KIF14: variants seen among roughly 807,000 people sequenced by gnomAD.
KIF14 encodes kinesin-like protein KIF14.
Under a neutral mutation model 176.2 loss-of-function variants are expected in KIF14, and 98 were observed. That is an observed-to-expected ratio of 0.56 (90% confidence interval 0.47 to 0.66). KIF14 has a LOEUF of 0.66. Among genes scored for constraint, KIF14 ranks in the 30% least tolerant of loss-of-function variants. The probability of loss-of-function intolerance (pLI) is 0.00; values close to 1 mark genes in which losing one functional copy is unlikely to be tolerated. For synonymous variants in KIF14, 566 were observed against 632.2 expected (o/e 0.90, Z 1.57); for missense variants, 1,751 against 1,920.4 (o/e 0.91, Z 1.65).
rs1238677172 is a variant in KIF14 at position 200,618,179 on chromosome 1, T to A, written c.545A>T (p.Asp182Val). ...NSFVASSVPL[D>V]EDPQVIEMMA... ...CATTTCAATGACCTGTGGATCTTCATCTAAAGGTACAGAAGAGGCAACAAA... is the reference window on the plus strand; with the variant it reads ...CATTTCAATGACCTGTGGATCTTCAACTAAAGGTACAGAAGAGGCAACAAA... Residue 182 changes from aspartate (D) to valine (V), a missense_variant, in exon 2 of 30, where the codon GAT becomes GTT. Physicochemically the swap from Asp to Val is radical, Grantham distance 152. Coordinates refer to ENST00000367350, the MANE Select transcript of KIF14 (RefSeq NM_014875.3). The A allele has an allele frequency of 6.2e-7, 1 of 1,613,990 alleles. No individual in the cohort carries two copies. Among genetic ancestry groups the A allele is most frequent in the Non-Finnish European group, 8.5e-7 (1 of 1,179,934 alleles).
In KIF14 at chr1:200,617,578, T is replaced by C. The variant is rs745972243; in HGVS notation, c.1112+34A>G. The C allele has an allele frequency of 5.1e-6, 8 of 1,560,002 alleles. No individual in the cohort carries two copies. The Admixed American group carries it at 7.8e-5, about 15-fold the overall frequency. ...GAATTAAAGGTACCTTACATGTAAC[T>C]GCTTGGCTTTAGATTTTAAAAGGCA... On this transcript the variant is annotated intron_variant, in intron 2 of 29. Coordinates refer to ENST00000367350, the MANE Select transcript of KIF14 (RefSeq NM_014875.3).
At chr1:200,607,352 T>A (rs1224905539) in intron 5 of KIF14, among the ~76,000 whole-genome samples, 1 of 152,116 alleles carries the variant, frequency 6.6e-6, no homozygotes, top group Non-Finnish European at 1.5e-5. Flanking sequence ...TTGGCTAGGC[T>A]GGTCGGGAAC....
intron 10 of KIF14, 126 bp from the exon 11 acceptor site, chr1:200,602,194 T>C (rs1659660654): frequency 1.5e-6 from 1 of 681,518 alleles, no homozygotes; most frequent in African/African-American, 1.8e-5. Flanking sequence ...CAAATACCAT[T>C]TAAAACTTTT....
chr1:200,603,292 G>C lies in KIF14; in HGVS notation c.1913C>G (p.Ser638Cys). 5 of 1,609,334 alleles carry C rather than the reference G, an allele frequency of 3.1e-6. No homozygotes were observed. The highest frequency in any genetic ancestry group is 3.4e-6 in the Non-Finnish European group (4 of 1,176,824). Residue 638 changes from serine to cysteine, a missense_variant, in exon 10 of 30, where the codon TCT (serine) becomes TGT (cysteine). Coordinates refer to ENST00000367350, the MANE Select transcript of KIF14 (RefSeq NM_014875.3). ...KSLLTLGKVI[S>C]ALSEQANQRS... The stretch of plus-strand genomic sequence containing the variant: ...TTGGTTTGCTTGTTCCGAAAGTGCA[G>C]ATATAACTTTTCCCAAAGTTAGCAA...
intron 14 of KIF14, among the ~76,000 whole-genome samples, chr1:200,596,631 C>T (rs574326958): frequency 4.7e-5 from 6 of 128,116 alleles, no homozygotes; most frequent in African/African-American, 1.8e-4. Flanking sequence ...GCAGAGTCAT[C>T]TTGGCTCACT....
chr1:200,581,763 T>C (rs1658473126), intron 19 of KIF14, among the ~76,000 whole-genome samples: 1 of 64,648 alleles, frequency 1.5e-5, no homozygotes, highest in South Asian at 5.4e-4. Context: ...TCACTTTCCT[T>C]TTTTTTTTTT....
chr1:200,604,674 TA>T (rs1279323696), intron 8 of KIF14, among the ~76,000 whole-genome samples: 2 of 152,074 alleles, frequency 1.3e-5, no homozygotes, highest in Non-Finnish European at 2.9e-5. Context: ...ATATAGCTAT[TA>T]AAAATTATTT....
chr1:200,605,827 T>C (rs768038653), intron 7 of KIF14, 37 bp downstream of exon 7: 1 of 1,277,190 alleles, frequency 7.8e-7, no homozygotes, highest in Non-Finnish European at 1.1e-6. Context: ...GATTATGCTC[T>C]TTCTATCTAG....
intron 21 of KIF14, among the ~76,000 whole-genome samples, chr1:200,576,798 CATGGTGTAAGA>C (rs1658139294): frequency 6.6e-6 from 1 of 152,076 alleles, no homozygotes; most frequent in African/African-American, 2.4e-5. Flanking sequence ...CCTACTTCTT[CATGGTGTAAGA>C]ATTCTCTTTT....
intron 3 of KIF14, 119 bp downstream of exon 3, chr1:200,615,236 G>A: frequency 1.5e-5 from 16 of 1,075,386 alleles, no homozygotes; most frequent in Non-Finnish European, 2.1e-5. Flanking sequence ...TAAAATGGAT[G>A]AGATTTGGGC....
At chr1:200,555,330 G>T in intron 28 of KIF14, 50 bp downstream of exon 28, 1 of 1,166,370 alleles carries the variant, frequency 8.6e-7, no homozygotes, top group African/African-American at 1.6e-5. Flanking sequence ...TGAACCAAGT[G>T]AAATGATAAA....
chr1:200,616,807 C>T (rs1660426126), intron 2 of KIF14, among the ~76,000 whole-genome samples: 1 of 152,134 alleles, frequency 6.6e-6, no homozygotes. Flanking sequence ...TGTGTCTTCC[C>T]CACCCACAAC....
intron 8 of KIF14, 103 bp downstream of exon 8, chr1:200,605,180 G>C: frequency 1.8e-6 from 2 of 1,107,412 alleles, no homozygotes; most frequent in Non-Finnish European, 1.4e-6. Context: ...TGATCACCAG[G>C]GTGAAAACTG....
chr1:200,565,604 T>C lies in KIF14; in HGVS notation c.3727A>G (p.Lys1243Glu), dbSNP rs760163612. Residue 1243 changes from lysine (K) to glutamate (E), a missense_variant, in exon 24 of 30, where the codon AAA becomes GAA. Physicochemically the swap from Lys to Glu is moderately conservative, Grantham distance 56. Coordinates refer to ENST00000367350, the MANE Select transcript of KIF14 (RefSeq NM_014875.3). ...SAESFLPGICKELIGSSLDFF... is the reference protein window; with the variant it reads ...SAESFLPGICEELIGSSLDFF... ...TCTAACGAAGAACCAATCAATTCTT[T>C]GCAAATTCCAGGAAGAAAGGACTCT... 1.9e-6 allele frequency: 3 copies of C among 1,611,912 alleles called. No homozygotes were observed. The East Asian group carries it at 6.7e-5, about 36-fold the overall frequency.
At chr1:200,589,425 A>T (rs1658927601) in intron 17 of KIF14, 56 bp from the exon 18 acceptor site, 2 of 1,440,524 alleles carry the variant, frequency 1.4e-6, no homozygotes, top group East Asian at 4.6e-5. Flanking sequence ...AAAAAAGTAC[A>T]AAAGTCCCTT....
intron 19 of KIF14, 44 bp downstream of exon 19, chr1:200,586,057 T>C (rs1249598095): frequency 1.5e-6 from 2 of 1,331,764 alleles, no homozygotes; most frequent in South Asian, 1.8e-5. Flanking sequence ...ACATATAACA[T>C]GCATAATTTT....
Position 200,618,650 on chromosome 1 carries a change from G to A in KIF14, c.74C>T (p.Ser25Leu). The A allele has an allele frequency of 1.9e-6, 3 of 1,613,678 alleles. No individual in the cohort carries two copies. Among genetic ancestry groups the A allele is most frequent in the Non-Finnish European group, 2.5e-6 (3 of 1,179,832 alleles). ...ACTGTGGGTGAGGGCATTCAGTGAT[G>A]AACTATTTTGGGAAGAAGGAATATC... ...ILDIPSSQNS[S>L]SLNALTHSSR... The change falls in exon 2 of 30, where the codon TCA becomes TTA. Residue 25 changes from serine to leucine, a missense_variant. Transcript: ENST00000367350.
intron 19 of KIF14, among the ~76,000 whole-genome samples, chr1:200,585,090 G>T (rs1658662638): frequency 6.6e-6 from 1 of 152,124 alleles, no homozygotes; most frequent in Non-Finnish European, 1.5e-5. Flanking sequence ...CAGGATAGGG[G>T]AATGGGAAGA....
chr1:200,606,675 AT>A (rs1659896972), intron 6 of KIF14, 70 bp downstream of exon 6: 1 of 1,325,618 alleles, frequency 7.5e-7, no homozygotes, highest in Non-Finnish European at 1.1e-6. Context: ...TACAATAAAG[AT>A]TATGGGAGAG....
Sources: gnomAD v4.1 joint callset for allele counts (sites outside exome capture counted in the v4.1 genomes callset) on GRCh38, gnomAD v4.1.1 for gene constraint, MANE v1.5 for transcripts, NCBI Gene and HGNC (gene_info 2026-07-23, HGNC 2026-07-21) for gene names.